Variants in TBC1D19 observed in about 807,000 individuals in gnomAD.
TBC1D19 encodes the protein TBC1 domain family member 19.
A neutral mutation model predicts 89.0 loss-of-function variants in TBC1D19; 60 were observed. The ratio of observed to expected loss-of-function variants is 0.67; its 90% CI spans 0.55 to 0.84. TBC1D19 has a LOEUF of 0.84. Among genes scored for constraint, TBC1D19 ranks in the 40% least tolerant of loss-of-function variants. TBC1D19 has a pLI of 0.00. For synonymous variants in TBC1D19, 189 were observed against 199.7 expected, an observed-to-expected ratio of 0.95 and a Z score of 0.45; for missense variants, 500 against 610.8, an observed-to-expected ratio of 0.82 and a Z score of 1.91.
intron 15 of TBC1D19, among the ~76,000 whole-genome samples, chr4:26,724,347 T>G (rs1487434726): frequency 2.0e-5 from 3 of 152,182 alleles, no homozygotes; most frequent in Non-Finnish European, 2.9e-5. Context: ...TGCCTAGTAA[T>G]TGTTTTATTG....
chr4:26,609,869 A>T (rs1164778405), intron 1 of TBC1D19, among the ~76,000 whole-genome samples: 1 of 152,142 alleles, frequency 6.6e-6, no homozygotes, highest in Non-Finnish European at 1.5e-5. Flanking sequence ...GGCACTTGGG[A>T]TACGGATAGT....
the TBC1D19 span, among the ~76,000 whole-genome samples, chr4:26,841,202 C>T: frequency 6.6e-6 from 1 of 151,740 alleles, no homozygotes; most frequent in Non-Finnish European, 1.5e-5. Flanking sequence ...CATGGAGAAA[C>T]CAAAAATACA....
chr4:26,765,326 C>T, the TBC1D19 span, among the ~76,000 whole-genome samples: 1 of 151,944 alleles, frequency 6.6e-6, no homozygotes, highest in Non-Finnish European at 1.5e-5. Context: ...TTCAGAGAAA[C>T]CATGTCCCCA....
chr4:26,689,357 T>C (rs1277744496), intron 13 of TBC1D19, among the ~76,000 whole-genome samples: 1 of 152,152 alleles, frequency 6.6e-6, no homozygotes, highest in Non-Finnish European at 1.5e-5. Context: ...AGTTGGAGAA[T>C]ACAAAAATCT....
At chr4:26,832,345 TAG>T in the TBC1D19 span, among the ~76,000 whole-genome samples, 1 of 152,312 alleles carries the variant, frequency 6.6e-6, no homozygotes, top group Admixed American at 6.5e-5. Context: ...TTTAGAATCA[TAG>T]ACTCTGGCAT....
At chr4:26,816,248 C>CT in the TBC1D19 span, among the ~76,000 whole-genome samples, 132,202 of 152,022 alleles carry the variant, frequency 0.87, 57,635 homozygotes, top group South Asian at 0.91. Flanking sequence ...CCTCACTTTA[C>CT]TTTTTTTATG....
chr4:26,768,063 T>G, the TBC1D19 span, among the ~76,000 whole-genome samples: 1 of 152,142 alleles, frequency 6.6e-6, no homozygotes, highest in African/African-American at 2.4e-5. Flanking sequence ...GAGGGAACTC[T>G]AAGGATCTGC....
intron 4 of TBC1D19, among the ~76,000 whole-genome samples, chr4:26,634,245 A>G (rs896486236): frequency 3.3e-5 from 5 of 152,052 alleles, no homozygotes; most frequent in Non-Finnish European, 5.9e-5. Flanking sequence ...CAAGCAATTC[A>G]ATGTTTTCTT....
chr4:26,705,335 A>G (rs1715655716), intron 13 of TBC1D19, among the ~76,000 whole-genome samples: 1 of 152,152 alleles, frequency 6.6e-6, no homozygotes, highest in Admixed American at 6.5e-5. Context: ...TGCCTTTGGT[A>G]TTGTATCCAA....
the TBC1D19 span, among the ~76,000 whole-genome samples, chr4:26,764,697 TG>T: frequency 1.3e-5 from 2 of 152,246 alleles, no homozygotes; most frequent in Admixed American, 6.5e-5. Flanking sequence ...CCTATAATGA[TG>T]GGTCATGGAA....
chr4:26,628,174 T>TG (rs1247267137), intron 4 of TBC1D19, among the ~76,000 whole-genome samples: 13 of 152,144 alleles, frequency 8.5e-5, no homozygotes, highest in African/African-American at 3.1e-4. Context: ...TTTTCTCAGG[T>TG]TTGTCAAAGA....
intron 1 of TBC1D19, among the ~76,000 whole-genome samples, chr4:26,598,450 A>G (rs1450736498): frequency 6.6e-6 from 1 of 152,024 alleles, no homozygotes; most frequent in Non-Finnish European, 1.5e-5. Context: ...ACTGGAGTGC[A>G]GAGGCACGAC....
At chr4:26,689,618 TTTA>T (rs1714105866) in intron 13 of TBC1D19, among the ~76,000 whole-genome samples, 1 of 152,190 alleles carries the variant, frequency 6.6e-6, no homozygotes, top group Non-Finnish European at 1.5e-5. Flanking sequence ...TATTTCAAAC[TTTA>T]TTATTATATC....
intron 4 of TBC1D19, among the ~76,000 whole-genome samples, chr4:26,624,489 C>T (rs999514318): frequency 3.9e-5 from 6 of 152,136 alleles, no homozygotes; most frequent in Admixed American, 2.0e-4. Flanking sequence ...GGATTACAGG[C>T]GTGAGCCACT....
intron 12 of TBC1D19, among the ~76,000 whole-genome samples, chr4:26,687,008 A>G (rs1312183425): frequency 6.6e-6 from 1 of 151,642 alleles, no homozygotes; most frequent in African/African-American, 2.4e-5. Context: ...AACATTTATT[A>G]TTTGTCTTCT....
At chr4:26,850,793 C>T in the TBC1D19 span, among the ~76,000 whole-genome samples, 2 of 152,078 alleles carry the variant, frequency 1.3e-5, no homozygotes, top group African/African-American at 4.8e-5. Context: ...TACTTTTATG[C>T]AGCCTGTGAT....
intron 18 of TBC1D19, among the ~76,000 whole-genome samples, chr4:26,744,565 ATATGT>A (rs1428246404): frequency 9.2e-5 from 14 of 151,746 alleles, no homozygotes; most frequent in South Asian, 4.1e-4. Context: ...ACAAATTTTG[ATATGT>A]TATATTTTCA....
intron 7 of TBC1D19, among the ~76,000 whole-genome samples, chr4:26,645,087 A>G (rs1743823391): frequency 6.6e-6 from 1 of 152,228 alleles, no homozygotes; most frequent in South Asian, 2.1e-4. Context: ...GCCCAAAGTA[A>G]TTTATAGATT....
chr4:26,684,359 C>G (rs1713630625), intron 12 of TBC1D19, among the ~76,000 whole-genome samples: 1 of 152,160 alleles, frequency 6.6e-6, no homozygotes, highest in African/African-American at 2.4e-5. Flanking sequence ...TTTGATCGGA[C>G]TGGATCCTGC....
Sources: gnomAD v4.1 joint callset for allele counts (sites outside exome capture counted in the v4.1 genomes callset) on GRCh38, gnomAD v4.1.1 for gene constraint, MANE v1.5 for transcripts, NCBI Gene and HGNC (gene_info 2026-07-23, HGNC 2026-07-21) for gene names.